The following USP43 variants were observed in gnomAD, a reference collection of about 807,000 sequenced individuals.
The protein encoded by USP43 is ubiquitin carboxyl-terminal hydrolase 43.
A neutral mutation model predicts 90.7 loss-of-function variants in USP43; 33 were observed. The ratio of observed to expected loss-of-function variants is 0.36; its 90% CI spans 0.28 to 0.49. The LOEUF (loss-of-function observed/expected upper bound fraction) is 0.49, where lower values mean the gene tolerates loss of function less well. Ranked by LOEUF, USP43 falls within the 20% of genes least tolerant of loss-of-function variation. The pLI is 0.98. For missense variants in USP43, 1,274 were observed against 1,476.4 expected (o/e 0.86, Z 2.25); for synonymous variants, 598 against 615.8 (o/e 0.97, Z 0.43).
At chr17:9,720,913 C>T (rs1297391485) in intron 14 of USP43, among the ~76,000 whole-genome samples, 2 of 152,198 alleles carry the variant, frequency 1.3e-5, no homozygotes, top group Non-Finnish European at 2.9e-5. Flanking sequence ...GTCACCACTG[C>T]AAAGTGCCAG....
At chr17:9,681,173 C>T (rs868607292) in intron 6 of USP43, among the ~76,000 whole-genome samples, 1,016 of 65,996 alleles carry the variant, frequency 0.015, 141 homozygotes, top group African/African-American at 0.089. Context: ...ATAATATATA[C>T]TATATAATAT....
At chr17:9,660,608 A>G (rs541664109) in intron 2 of USP43, among the ~76,000 whole-genome samples, 3 of 152,190 alleles carry the variant, frequency 2.0e-5, no homozygotes, top group Admixed American at 2.0e-4. Context: ...CTGGATTCCA[A>G]TAGCACGTAG....
chr17:9,658,907 A>G (rs1912446318), intron 2 of USP43, among the ~76,000 whole-genome samples: 1 of 152,100 alleles, frequency 6.6e-6, no homozygotes, highest in Non-Finnish European at 1.5e-5. Context: ...TGCAATGCTC[A>G]TGTAGTCTTT....
chr17:9,699,352 T>C (rs971674306), intron 9 of USP43, among the ~76,000 whole-genome samples: 6 of 152,150 alleles, frequency 3.9e-5, no homozygotes, highest in Non-Finnish European at 8.8e-5. Flanking sequence ...TGTTCCTCAC[T>C]CCCTCCTGGC....
intron 5 of USP43, 116 bp downstream of exon 5, chr17:9,676,997 G>T (rs1878356127): frequency 1.5e-6 from 2 of 1,320,906 alleles, no homozygotes; most frequent in Non-Finnish European, 2.0e-6. Flanking sequence ...ATGACTCATG[G>T]GTTTCTGGTT....
chr17:9,684,649 A>G (rs2139887), intron 7 of USP43, among the ~76,000 whole-genome samples: 49,344 of 151,008 alleles, frequency 0.33, 9,355 homozygotes, highest in East Asian at 0.63. Context: ...TGTAATCCCA[A>G]CTACTCGGGA....
chr17:9,655,084 G>GAAAAAAAAAAAAAAAAAA (rs57985388), intron 1 of USP43, among the ~76,000 whole-genome samples: 1 of 37,326 alleles, frequency 2.7e-5, no homozygotes, highest in African/African-American at 6.7e-5. Flanking sequence ...AGAAAGAAAG[G>GAAAAAAAAAAAAAAAAAA]AAAAAAAAAA....
chr17:9,726,429 T>C (rs1917276380), intron 14 of USP43, among the ~76,000 whole-genome samples: 1 of 152,106 alleles, frequency 6.6e-6, no homozygotes. Context: ...GGGCAGCTTA[T>C]CCACAACAGA....
At chr17:9,652,201 A>G (rs1207878645) in intron 1 of USP43, among the ~76,000 whole-genome samples, 1 of 146,658 alleles carries the variant, frequency 6.8e-6, no homozygotes, top group South Asian at 2.2e-4. Flanking sequence ...CAACACAGCA[A>G]GCCCTTAGCG....
intron 12 of USP43, among the ~76,000 whole-genome samples, chr17:9,705,690 A>G (rs942810346): frequency 2.0e-5 from 3 of 149,622 alleles, no homozygotes; most frequent in African/African-American, 7.4e-5. Context: ...AGAGGTGGAG[A>G]TTGCAGTGAG....
At chr17:9,726,083 A>G (rs1917255260) in intron 14 of USP43, among the ~76,000 whole-genome samples, 1 of 152,212 alleles carries the variant, frequency 6.6e-6, no homozygotes, top group Non-Finnish European at 1.5e-5. Flanking sequence ...TCTTTATGAG[A>G]AACCTGGAAA....
chr17:9,727,506 T>G (rs1457142745), intron 14 of USP43, among the ~76,000 whole-genome samples: 1 of 152,148 alleles, frequency 6.6e-6, no homozygotes, highest in Non-Finnish European at 1.5e-5. Flanking sequence ...TAATTCCATT[T>G]TTTTTTTCTT....
At chr17:9,706,677 T>C (rs1915901383) in intron 12 of USP43, among the ~76,000 whole-genome samples, 1 of 137,936 alleles carries the variant, frequency 7.2e-6, no homozygotes, top group Admixed American at 8.2e-5. Context: ...AGAGTCTCGC[T>C]CTGTGTCCCA....
At chr17:9,673,698 C>T (rs1252652738) in intron 3 of USP43, among the ~76,000 whole-genome samples, 3 of 152,296 alleles carry the variant, frequency 2.0e-5, no homozygotes, top group Non-Finnish European at 4.4e-5. Context: ...GAAACTGAGC[C>T]TAGCTTTCTT....
intron 3 of USP43, among the ~76,000 whole-genome samples, chr17:9,672,729 C>T (rs1383128178): frequency 6.6e-6 from 1 of 152,068 alleles, no homozygotes; most frequent in South Asian, 2.1e-4. Flanking sequence ...CATGGGTCTC[C>T]CAAAGGGAAA....
Position 9,724,430 on chromosome 17 carries a change from A to G in USP43, c.2336-3524A>G, listed in dbSNP as rs1240677981. On this transcript the variant is annotated intron_variant, in intron 14 of 14. Transcript: ENST00000285199. ...CATGGTGGCTCACGCCTGTAATCCC[A>G]GCACTTTGAGAGGTCGAGGCGGGTG... Among the ~76,000 whole-genome samples, 4 of 152,188 alleles carry G rather than the reference A, an allele frequency of 2.6e-5. No homozygotes were observed. The East Asian group carries it at 7.7e-4, about 29-fold the overall frequency.
At position 9,701,089 on chromosome 17, in the gene USP43, C is replaced by T; in HGVS notation, c.1536-30C>T. 6.9e-7 allele frequency: 1 copy of T among 1,447,720 alleles called. No individual in the cohort carries two copies. 89.7% of individuals were successfully genotyped at this position (1,447,720 alleles called of 1,614,324 possible). A position where few individuals can be genotyped will look rare whatever the true frequency, so the allele number is the denominator to read the frequency against. ...AAACCTGTCTGGGAGCAGGAAAGTC[C>T]TGAACGCCGTGGGTGTCCTCTCCGT... On this transcript the variant is annotated intron_variant, in intron 10 of 14. Coordinates refer to ENST00000285199, the MANE Select transcript of USP43 (RefSeq NM_153210.5). The surrounding 1 kb of genome is among the most constrained non-coding windows in gnomAD (Gnocchi z 7.2).
chr17:9,695,443 C>T (rs1915203131), intron 9 of USP43, among the ~76,000 whole-genome samples: 1 of 152,076 alleles, frequency 6.6e-6, no homozygotes, highest in South Asian at 2.1e-4. Context: ...AAGCAATTCT[C>T]CTGCCTCAGC....
At chr17:9,724,802 A>G (rs1012376401) in intron 14 of USP43, among the ~76,000 whole-genome samples, 7 of 152,242 alleles carry the variant, frequency 4.6e-5, no homozygotes, top group Non-Finnish European at 8.8e-5. Flanking sequence ...CGTTGAAGAC[A>G]GTCCTTGGCA....
Sources: gnomAD v4.1 joint callset for allele counts (sites outside exome capture counted in the v4.1 genomes callset) on GRCh38, gnomAD v4.1.1 for gene constraint, Gnocchi (gnomAD v3.1) non-coding constraint, MANE v1.5 for transcripts, NCBI Gene and HGNC (gene_info 2026-07-23, HGNC 2026-07-21) for gene names.